Variants in PLXDC2 observed in about 807,000 individuals in gnomAD.
PLXDC2 encodes the protein plexin domain-containing protein 2.
In PLXDC2, 40 loss-of-function variants were observed where a neutral mutation model predicts 68.9. The ratio of observed to expected loss-of-function variants is 0.58; its 90% CI spans 0.45 to 0.76. The LOEUF is 0.76. PLXDC2 is among the 30% of genes least tolerant of loss of function. The pLI is 0.00. For missense variants in PLXDC2, 644 were observed against 661.9 expected (o/e 0.97, Z 0.30); for synonymous variants, 243 against 234.2 (o/e 1.04, Z -0.34).
At chr10:20,027,704 A>T (rs942817808) in intron 2 of PLXDC2, among the ~76,000 whole-genome samples, 7 of 151,874 alleles carry the variant, frequency 4.6e-5, no homozygotes, top group Admixed American at 2.6e-4. Context: ...AAAAAAAAAA[A>T]ACCCCATAAA....
chr10:20,096,172 T>C (rs1833346741), intron 4 of PLXDC2, among the ~76,000 whole-genome samples: 1 of 152,144 alleles, frequency 6.6e-6, no homozygotes. Context: ...CTTTCAAAGG[T>C]CTTTCCACTC....
chr10:20,220,590 T>C (rs918935326), intron 12 of PLXDC2, among the ~76,000 whole-genome samples: 2 of 152,130 alleles, frequency 1.3e-5, no homozygotes, highest in Non-Finnish European at 1.5e-5. Flanking sequence ...ATTCTTGTGA[T>C]CGAATAAGTG....
chr10:20,014,015 C>A (rs1835160627), intron 2 of PLXDC2, among the ~76,000 whole-genome samples: 1 of 152,096 alleles, frequency 6.6e-6, no homozygotes, highest in Admixed American at 6.5e-5. Flanking sequence ...TCTCATGTTA[C>A]CAATTGTACC....
intron 4 of PLXDC2, among the ~76,000 whole-genome samples, chr10:20,076,331 G>C (rs1487642593): frequency 6.6e-6 from 1 of 152,142 alleles, no homozygotes; most frequent in Non-Finnish European, 1.5e-5. Flanking sequence ...ATAGACTTTT[G>C]AATCTGAATA....
At chr10:19,869,421 CAGAA>C (rs751879101) in intron 1 of PLXDC2, among the ~76,000 whole-genome samples, 5 of 122,382 alleles carry the variant, frequency 4.1e-5, no homozygotes, top group Admixed American at 1.2e-4. Context: ...AAGACTCTAC[CAGAA>C]AGAAAGAAAG....
chr10:20,231,594 AAAAAT>A (rs147403144), intron 12 of PLXDC2, among the ~76,000 whole-genome samples: 2,207 of 152,102 alleles, frequency 0.015, 43 homozygotes, highest in African/African-American at 0.05. Context: ...ATAAGAGTAG[AAAAAT>A]AAAATAGAAA....
intron 4 of PLXDC2, among the ~76,000 whole-genome samples, chr10:20,079,971 C>CA (rs1022141367): frequency 1.3e-5 from 2 of 151,232 alleles, no homozygotes; most frequent in African/African-American, 4.9e-5. Context: ...AAACAAGAAA[C>CA]AAAAAAATGG....
intron 9 of PLXDC2, among the ~76,000 whole-genome samples, chr10:20,211,225 T>C (rs1311690741): frequency 6.6e-6 from 1 of 151,954 alleles, no homozygotes; most frequent in African/African-American, 2.4e-5. Context: ...GTTTGTGTGA[T>C]GGTGGGTCTT....
chr10:19,879,433 C>T (rs557405656), intron 1 of PLXDC2, among the ~76,000 whole-genome samples: 32 of 152,210 alleles, frequency 2.1e-4, no homozygotes, highest in African/African-American at 7.2e-4. Context: ...AGCTTTATAT[C>T]TCTATGTGTG....
At chr10:20,240,669 A>G (rs1254303419) in intron 12 of PLXDC2, among the ~76,000 whole-genome samples, 2 of 137,610 alleles carry the variant, frequency 1.5e-5, no homozygotes, top group African/African-American at 5.3e-5. Flanking sequence ...TGGAATAGAG[A>G]TGCTTGTACT....
intron 1 of PLXDC2, among the ~76,000 whole-genome samples, chr10:19,923,221 TTTA>T (rs1833488604): frequency 6.6e-6 from 1 of 152,216 alleles, no homozygotes. Context: ...TGAGATTTGC[TTTA>T]TTGACAATCC....
In PLXDC2 at chr10:20,123,822, A is replaced by G. The variant is rs560659449; in HGVS notation, c.542-19473A>G. 3.9e-5 allele frequency among the ~76,000 whole-genome samples: 6 copies of G among 152,066 alleles called. No homozygotes were observed. The South Asian group carries it at 1.3e-3, about 32-fold the overall frequency. On this transcript the variant is annotated intron_variant, in intron 4 of 13. Coordinates refer to ENST00000377252, the MANE Select transcript of PLXDC2 (RefSeq NM_032812.9). ...AGGTTGGGCGAGGAAATAAGGGATC[A>G]GGGTGCAGAGATATAAGAGGTTGGG... is the stretch of plus-strand genomic sequence containing the variant.
chr10:19,868,697 C>T (rs1564614255), intron 1 of PLXDC2, among the ~76,000 whole-genome samples: 1 of 152,106 alleles, frequency 6.6e-6, no homozygotes, highest in Non-Finnish European at 1.5e-5. Flanking sequence ...AAAATTTACC[C>T]TCTGTTTAAT....
At chr10:19,889,002 A>G (rs1287168766) in intron 1 of PLXDC2, among the ~76,000 whole-genome samples, 1 of 152,114 alleles carries the variant, frequency 6.6e-6, no homozygotes, top group Admixed American at 6.5e-5. Flanking sequence ...TTTCAAGTTT[A>G]GCCCATGGCT....
At chr10:19,877,822 A>G (rs1473912689) in intron 1 of PLXDC2, among the ~76,000 whole-genome samples, 1 of 152,226 alleles carries the variant, frequency 6.6e-6, no homozygotes, top group African/African-American at 2.4e-5. Context: ...TGCTTGAAGT[A>G]TATTCTTTAA....
At chr10:19,818,952 A>G (rs1241313967) in intron 1 of PLXDC2, among the ~76,000 whole-genome samples, 1 of 113,456 alleles carries the variant, frequency 8.8e-6, no homozygotes, top group Non-Finnish European at 2.0e-5. Flanking sequence ...GCAGTAAAGG[A>G]AAAAAAAATA....
At chr10:20,125,242 G>A (rs1432693171) in intron 4 of PLXDC2, among the ~76,000 whole-genome samples, 1 of 152,134 alleles carries the variant, frequency 6.6e-6, no homozygotes, top group African/African-American at 2.4e-5. Flanking sequence ...GGGACTCTAA[G>A]AGAATGTTGT....
At chr10:19,920,749 G>A (rs962311702) in intron 1 of PLXDC2, among the ~76,000 whole-genome samples, 4 of 151,946 alleles carry the variant, frequency 2.6e-5, no homozygotes, top group African/African-American at 9.7e-5. Context: ...GTAGAGACAG[G>A]GTTTCGCCTT....
chr10:20,269,429 G>A (rs11812931), intron 13 of PLXDC2, among the ~76,000 whole-genome samples: 2,204 of 152,192 alleles, frequency 0.014, 46 homozygotes, highest in African/African-American at 0.046. Context: ...AGAGAATCAG[G>A]AGGAATCTCA....
Sources: allele counts gnomAD v4.1 joint callset (sites outside exome capture counted in the v4.1 genomes callset), GRCh38; gene constraint gnomAD v4.1.1; transcripts MANE v1.5; gene names NCBI Gene and HGNC (gene_info 2026-07-23, HGNC 2026-07-21).